The following RARB variants were observed in gnomAD, a reference collection of about 807,000 sequenced individuals.
RARB encodes HBV-activated protein.
Under a neutral mutation model 51.9 loss-of-function variants are expected in RARB, and 17 were observed. The ratio of observed to expected loss-of-function variants is 0.33; its 90% CI spans 0.22 to 0.49. The LOEUF is 0.49. Among genes scored for constraint, RARB ranks in the 20% least tolerant of loss-of-function variants. The pLI is 0.99. For synonymous variants in RARB, 215 were observed against 195.4 expected (o/e 1.10, Z -0.84); for missense variants, 369 against 550.8 (o/e 0.67, Z 3.30).
intron 5 of RARB, among the ~76,000 whole-genome samples, chr3:25,243,051 T>A (rs955277950): frequency 6.6e-6 from 1 of 152,158 alleles, no homozygotes; most frequent in African/African-American, 2.4e-5. Flanking sequence ...TTTCTAGGTA[T>A]TTTTTTCTCT....
At chr3:25,329,530 G>T (rs983124526) in intron 5 of RARB, among the ~76,000 whole-genome samples, 1 of 151,998 alleles carries the variant, frequency 6.6e-6, no homozygotes, top group Non-Finnish European at 1.5e-5. Flanking sequence ...AAAGACCAAA[G>T]GTAGGTAAAA....
In RARB at chr3:24,913,310, T is replaced by C. The variant is rs532963347; in HGVS notation, c.-380+54558T>C. Among the ~76,000 whole-genome samples, 6 of 151,670 alleles carry C rather than the reference T, an allele frequency of 4.0e-5. No individual in the cohort carries two copies. The South Asian group carries it at 1.0e-3, about 26-fold the overall frequency. On this transcript the variant is annotated intron_variant, in intron 2 of 11. Transcript: ENST00000383772. ...GTACTGTTCTTTTCTTAACAGAGGG[T>C]TTTCCCACTGAGATTTCCTTCAATT...
At chr3:25,508,811 G>A (rs1050726184) in intron 3 of RARB, among the ~76,000 whole-genome samples, 1 of 151,580 alleles carries the variant, frequency 6.6e-6, no homozygotes, top group African/African-American at 2.4e-5. Flanking sequence ...ACCTAAAAAT[G>A]TCCTAGAAGC....
intron 2 of RARB, among the ~76,000 whole-genome samples, chr3:24,894,011 TAACTG>T (rs67623232): frequency 0.19 from 28,732 of 151,928 alleles, 3,584 homozygotes; most frequent in African/African-American, 0.36. Flanking sequence ...AATGAACAAA[TAACTG>T]AACAGAAAGA....
intron 1 of RARB, among the ~76,000 whole-genome samples, chr3:25,452,154 A>G: frequency 6.6e-6 from 1 of 152,234 alleles, no homozygotes; most frequent in East Asian, 1.9e-4. Context: ...TGACTGTAAG[A>G]GAGGATTTAT....
At chr3:25,228,215 G>A (rs1702097761) in intron 5 of RARB, among the ~76,000 whole-genome samples, 1 of 87,958 alleles carries the variant, frequency 1.1e-5, no homozygotes, top group African/African-American at 3.9e-5. Context: ...GTGACTTTGA[G>A]GGTTTTTTTT....
At position 25,282,596 on chromosome 3, in the gene RARB, C is replaced by A. The variant is rs1050663294; in HGVS notation, c.178+108021C>A. 3.9e-5 allele frequency among the ~76,000 whole-genome samples: 6 copies of A among 152,062 alleles called. No individual in the cohort carries two copies. The East Asian group carries it at 1.2e-3, about 29-fold the overall frequency. On this transcript the variant is annotated intron_variant, in intron 5 of 11. Coordinates refer to the RARB transcript ENST00000383772. ...TTCACTGATAAGTCCTAAATTAGTC[C>A]CTGGAATATAGATGGTGCTTGATAA...
intron 2 of RARB, among the ~76,000 whole-genome samples, chr3:25,480,211 T>G (rs559766425): frequency 2.0e-5 from 3 of 152,354 alleles, no homozygotes; most frequent in African/African-American, 7.2e-5. Context: ...TGTAATAACA[T>G]GTGAGCACTG....
chr3:25,225,064 A>G (rs1328950413), intron 5 of RARB, among the ~76,000 whole-genome samples: 2 of 152,198 alleles, frequency 1.3e-5, no homozygotes, highest in Non-Finnish European at 2.9e-5. Context: ...ATTGTGTTTT[A>G]CAGATTAAGG....
At chr3:25,510,431 C>T (rs111515348) in intron 3 of RARB, among the ~76,000 whole-genome samples, 2,738 of 152,144 alleles carry the variant, frequency 0.018, 35 homozygotes, top group Non-Finnish European at 0.025. Flanking sequence ...TGAGACCAGC[C>T]TGGGCAACAC....
chr3:24,958,267 T>TTTTTTTG lies in RARB; in HGVS notation c.-380+99521_-380+99522insGTTTTTT, dbSNP rs1559411532. Among the ~76,000 whole-genome samples the TTTTTTTG allele has an allele frequency of 3.6e-4, 44 of 121,624 alleles. 1 individual carries two copies. The highest frequency in any genetic ancestry group is 5.4e-4 in the Non-Finnish European group (34 of 63,068). 79.8% of individuals were successfully genotyped at this position (121,624 alleles called of 152,430 possible). On this transcript the variant is annotated intron_variant, in intron 2 of 11. Coordinates refer to the RARB transcript ENST00000383772. ...CTGAGCTGCTCAGGTTTTTTTTTTT[T>TTTTTTTG]TTTTTTTTTTTTTTTTTTTTTTAGC...
At chr3:25,372,703 G>A (rs1706336716) in intron 5 of RARB, among the ~76,000 whole-genome samples, 1 of 152,164 alleles carries the variant, frequency 6.6e-6, no homozygotes, top group Non-Finnish European at 1.5e-5. Flanking sequence ...GCGCATGCCT[G>A]TAGTTCCAGC....
chr3:25,580,990 TC>T (rs1347027686), intron 5 of RARB, among the ~76,000 whole-genome samples: 5 of 152,146 alleles, frequency 3.3e-5, no homozygotes, highest in Admixed American at 1.3e-4. Context: ...CTGGTCTGTT[TC>T]TAAGTTTACC....
chr3:24,962,773 A>C (rs1190646954), intron 2 of RARB, among the ~76,000 whole-genome samples: 1 of 152,218 alleles, frequency 6.6e-6, no homozygotes, highest in East Asian at 1.9e-4. Flanking sequence ...GGTCCCAAAA[A>C]GGTTGGGGGT....
intron 2 of RARB, among the ~76,000 whole-genome samples, chr3:24,949,036 G>C (rs1280255663): frequency 1.3e-5 from 2 of 152,154 alleles, no homozygotes; most frequent in Non-Finnish European, 2.9e-5. Context: ...CTACTGCAGG[G>C]CAAGGTCAAA....
At chr3:25,516,976 C>G (rs769496335) in intron 3 of RARB, among the ~76,000 whole-genome samples, 2 of 152,034 alleles carry the variant, frequency 1.3e-5, no homozygotes, top group South Asian at 4.1e-4. Context: ...TATATACTGA[C>G]GGCAGAAAAG....
chr3:24,850,351 C>G (rs935945500), intron 1 of RARB, among the ~76,000 whole-genome samples: 1 of 152,212 alleles, frequency 6.6e-6, no homozygotes, highest in African/African-American at 2.4e-5. Flanking sequence ...GTCTGCAAAG[C>G]CTGAAATGTT....
intron 2 of RARB, among the ~76,000 whole-genome samples, chr3:24,933,418 T>C (rs1433528928): frequency 2.0e-5 from 3 of 152,158 alleles, no homozygotes; most frequent in African/African-American, 7.2e-5. Context: ...TTTTGTACCC[T>C]GACAAGAAAT....
At chr3:24,885,716 T>C (rs148246690) in intron 2 of RARB, among the ~76,000 whole-genome samples, 8 of 152,248 alleles carry the variant, frequency 5.3e-5, no homozygotes, top group Non-Finnish European at 1.2e-4. Flanking sequence ...AGAGTATAGA[T>C]TGGAGACTTT....
Sources: allele counts gnomAD v4.1 joint callset (sites outside exome capture counted in the v4.1 genomes callset), GRCh38; gene constraint gnomAD v4.1.1; transcripts MANE v1.5; gene names NCBI Gene and HGNC (gene_info 2026-07-23, HGNC 2026-07-21).